Variants in HPCAL1 observed in about 807,000 individuals in gnomAD.
The protein encoded by HPCAL1 is hippocalcin like 1, also known as hippocalcin-like protein 1.
Under a neutral mutation model 17.1 loss-of-function variants are expected in HPCAL1, and 8 were observed. That is an observed-to-expected ratio of 0.47 (90% CI 0.27 to 0.84). HPCAL1 has a LOEUF of 0.84. HPCAL1 is among the 40% of genes least tolerant of loss of function. HPCAL1 has a pLI of 0.13. For missense variants in HPCAL1, 165 were observed against 271.1 expected, an observed-to-expected ratio of 0.61 and a Z score of 2.75; for synonymous variants, 112 against 111.4, an observed-to-expected ratio of 1.01 and a Z score of -0.03.
intron 2 of HPCAL1, among the ~76,000 whole-genome samples, chr2:10,415,223 G>A (rs1213368458): frequency 1.3e-5 from 2 of 151,746 alleles, no homozygotes; most frequent in East Asian, 2.0e-4. Flanking sequence ...CCGGCCCTGG[G>A]CTGGGTGTGC....
At chr2:10,380,379 G>A (rs1278993141) in intron 1 of HPCAL1, among the ~76,000 whole-genome samples, 1 of 152,200 alleles carries the variant, frequency 6.6e-6, no homozygotes, top group Non-Finnish European at 1.5e-5. Context: ...TGGGGCAGGG[G>A]TGTGGGTGGG....
At chr2:10,418,060 A>G (rs1212196362) in intron 2 of HPCAL1, among the ~76,000 whole-genome samples, 1 of 151,890 alleles carries the variant, frequency 6.6e-6, no homozygotes, top group Non-Finnish European at 1.5e-5. Context: ...TAAAAAATAG[A>G]TAGATAGATT....
chr2:10,343,790 C>T lies in HPCAL1; in HGVS notation c.-111+40613C>T, dbSNP rs930700909. ...CTTTCTGCTGTTCTCTTGTGCTGGG[C>T]GTGGCTCAGGGCTGAGGGGAGAGAG... On this transcript the variant is annotated intron_variant, in intron 1 of 4. Transcript: ENST00000307845. The surrounding 1 kb of genome is among the most constrained non-coding windows in gnomAD (Gnocchi z 4.8). Among the ~76,000 whole-genome samples, 14 of 152,254 alleles carry T rather than the reference C, an allele frequency of 9.2e-5. No homozygotes were observed. Among genetic ancestry groups the T allele is most frequent in the South Asian group, 4.2e-4 (2 of 4,816 alleles).
Position 10,420,106 on chromosome 2 carries a change from A to T in HPCAL1, c.349A>T (p.Ser117Cys). ...CGACCTGGACGGCAACGGCTACATC[A>T]GCCGCAGCGAGATGCTGGAGATCGT... The part of the protein sequence containing the change: ...MYDLDGNGYI[S>C]RSEMLEIVQA... Residue 117 changes from serine (S) to cysteine (C), a missense_variant, in exon 3 of 5, where the codon AGC (serine) becomes TGC (cysteine). Physicochemically the swap from Ser to Cys is moderately radical, Grantham distance 112. Coordinates refer to ENST00000307845, the MANE Select transcript of HPCAL1 (RefSeq NM_002149.4). The T allele has an allele frequency of 6.2e-7, 1 of 1,611,838 alleles. No individual in the cohort carries two copies. The highest frequency in any genetic ancestry group is 8.5e-7 in the Non-Finnish European group (1 of 1,179,088).
At chr2:10,372,708 C>T (rs557667632) in intron 1 of HPCAL1, among the ~76,000 whole-genome samples, 3 of 152,338 alleles carry the variant, frequency 2.0e-5, no homozygotes, top group East Asian at 3.9e-4. Context: ...CCGTCAGCCA[C>T]GGCCAGAGCA....
At position 10,359,933 on chromosome 2, in the gene HPCAL1, G is replaced by A. The variant is rs1320656419; in HGVS notation, c.-110-36902G>A. 3.3e-5 allele frequency among the ~76,000 whole-genome samples: 5 copies of A among 151,998 alleles called. No homozygotes were observed. The highest frequency in any genetic ancestry group is 5.9e-5 in the Non-Finnish European group (4 of 67,982). ...CCACAGCGCCCGCCGGGTCCACAGC[G>A]CCCGCCGGGTCCACAGCGCCCACCA... On this transcript the variant is annotated intron_variant, in intron 1 of 4. Transcript: ENST00000307845. The surrounding 1 kb of genome is among the most constrained non-coding windows in gnomAD (Gnocchi z 4.1).
intron 3 of HPCAL1, 62 bp downstream of exon 3, chr2:10,420,197 C>G: frequency 1.4e-6 from 2 of 1,429,334 alleles, no homozygotes. Flanking sequence ...GCTCCCAGCC[C>G]CCAGCCCAGG....
At chr2:10,406,393 C>T (rs902483550) in intron 2 of HPCAL1, 4 of 152,410 alleles carry the variant, frequency 2.6e-5, no homozygotes, top group African/African-American at 9.6e-5. Flanking sequence ...ACTGCTGTTT[C>T]ATGGGCGTGT....
chr2:10,395,703 G>A lies in HPCAL1; in HGVS notation c.-110-1132G>A, dbSNP rs1668979552. 6.6e-6 allele frequency among the ~76,000 whole-genome samples: 1 copy of A among 152,186 alleles called. No individual in the cohort carries two copies. The highest frequency in any genetic ancestry group is 2.4e-5 in the African/African-American group (1 of 41,428). On this transcript the variant is annotated intron_variant, in intron 1 of 4. Transcript: ENST00000307845. The surrounding 1 kb of genome is among the most constrained non-coding windows in gnomAD (Gnocchi z 4.4). Reference sequence around the variant, plus strand: ...GCGGAAGAGAAACGGGCCGTCAGGTGAAGTGACTGTCAGGATTCCATCCTG... The same window carrying A: ...GCGGAAGAGAAACGGGCCGTCAGGTAAAGTGACTGTCAGGATTCCATCCTG...
Position 10,427,000 on chromosome 2 carries a change from T to C in HPCAL1, c.*179T>C, listed in dbSNP as rs1373848676. The C allele has an allele frequency of 1.7e-6, 1 of 599,816 alleles. No individual in the cohort carries two copies. The highest frequency in any genetic ancestry group is 2.9e-5 in the East Asian group (1 of 34,670). 37.2% of individuals were successfully genotyped at this position (599,816 alleles called of 1,614,324 possible). On this transcript the variant is annotated 3_prime_UTR_variant, in exon 5 of 5. Transcript: ENST00000307845. Reference sequence around the variant, plus strand: ...CCTCCTCCACCTGACCAACGCGACATTCCTCCCCTCACGCCTGGCCCGGTC... The same window carrying C: ...CCTCCTCCACCTGACCAACGCGACACTCCTCCCCTCACGCCTGGCCCGGTC...
intron 1 of HPCAL1, among the ~76,000 whole-genome samples, chr2:10,380,191 G>A (rs1192762133): frequency 6.6e-6 from 1 of 152,236 alleles, no homozygotes; most frequent in Non-Finnish European, 1.5e-5. Flanking sequence ...GCAGCTCTCA[G>A]TCAGAAGTGT....
rs762766089 is a variant in HPCAL1, at chr2:10,363,969, G to A, written c.-110-32866G>A. The stretch of plus-strand genomic sequence containing the variant: ...GCCTGATGATTCGGGGCGCTTGGCC[G>A]GGTGGTGGGGTGGGACACCCCAGAG... On this transcript the variant is annotated intron_variant, in intron 1 of 4. Transcript: ENST00000307845. This position sits in a 1 kb window ranked among gnomAD's most constrained non-coding sequence, Gnocchi z 4.7. Among the ~76,000 whole-genome samples the A allele has an allele frequency of 6.6e-6, 1 of 152,228 alleles. No individual in the cohort carries two copies. The highest frequency in any genetic ancestry group is 1.5e-5 in the Non-Finnish European group (1 of 68,038).
At chr2:10,316,504 G>A (rs1043641497) in intron 1 of HPCAL1, among the ~76,000 whole-genome samples, 2 of 152,172 alleles carry the variant, frequency 1.3e-5, no homozygotes, top group African/African-American at 4.8e-5. Context: ...CAGCCCTTGT[G>A]AGGGCCATGC....
intron 1 of HPCAL1, among the ~76,000 whole-genome samples, chr2:10,374,469 C>T (rs1211177142): frequency 1.3e-5 from 2 of 152,256 alleles, no homozygotes. Context: ...TTTACAGCGA[C>T]AGCTGTTCCT....
chr2:10,421,946 T>G (rs1315316938), intron 3 of HPCAL1, among the ~76,000 whole-genome samples: 5 of 152,224 alleles, frequency 3.3e-5, no homozygotes, highest in Non-Finnish European at 1.5e-5. Flanking sequence ...CTTAGCTTCA[T>G]GCAGTGGCGG....
intron 1 of HPCAL1, among the ~76,000 whole-genome samples, chr2:10,379,133 G>A (rs914661128): frequency 2.0e-5 from 3 of 152,044 alleles, no homozygotes; most frequent in African/African-American, 7.3e-5. Flanking sequence ...TTCGAGACCA[G>A]CCTGGCCAAC....
intron 1 of HPCAL1, among the ~76,000 whole-genome samples, chr2:10,368,281 CGT>C (rs1446727087): frequency 1.3e-5 from 2 of 149,204 alleles, no homozygotes; most frequent in South Asian, 2.1e-4. Flanking sequence ...TGTGTGCATA[CGT>C]GTGTGTAGGT....
intron 1 of HPCAL1, among the ~76,000 whole-genome samples, chr2:10,327,463 A>G (rs1664087008): frequency 6.6e-6 from 1 of 152,150 alleles, no homozygotes; most frequent in Middle Eastern, 3.2e-3. Flanking sequence ...CAAGTCAGTT[A>G]ACTTCTTGGA....
intron 2 of HPCAL1, among the ~76,000 whole-genome samples, chr2:10,399,922 A>G (rs1323620305): frequency 6.6e-6 from 1 of 152,216 alleles, no homozygotes. Flanking sequence ...TCTGATGGAG[A>G]ACAGACCAGA....
Sources: allele counts gnomAD v4.1 joint callset (sites outside exome capture counted in the v4.1 genomes callset), GRCh38; gene constraint gnomAD v4.1.1; non-coding constraint Gnocchi (gnomAD v3.1); transcripts MANE v1.5; gene names NCBI Gene and HGNC (gene_info 2026-07-23, HGNC 2026-07-21).